IKBKB: variants seen among roughly 807,000 people sequenced by gnomAD.
IKBKB encodes the protein inhibitor of nuclear factor kappa B kinase subunit beta.
A neutral mutation model predicts 113.6 loss-of-function variants in IKBKB; 42 were observed. That is an observed-to-expected ratio of 0.37 (90% CI 0.29 to 0.48). The LOEUF is 0.48. Among genes scored for constraint, IKBKB ranks in the 20% least tolerant of loss-of-function variants. The pLI, the probability that IKBKB is intolerant of heterozygous loss-of-function variation, is 0.99. For synonymous variants in IKBKB, 296 were observed against 361.3 expected (o/e 0.82, Z 2.05); for missense variants, 673 against 939.7 (o/e 0.72, Z 3.71).
chr8:42,316,778 G>T lies in IKBKB; in HGVS notation c.999G>T (p.Leu333=), dbSNP rs561828824. ...ACCCTGTGACAGAGGATGAGAGTCT[G>T]CAGAGCTTGAAGGCCAGAATCCAAC... ...HTYPVTEDES[L]QSLKARIQQD... is the part of the protein sequence containing the mutation. Residue 333 remains leucine, a synonymous_variant, in exon 11 of 22, where the codon CTG becomes CTT. Coordinates refer to ENST00000520810, the MANE Select transcript of IKBKB (RefSeq NM_001556.3). This position sits in a 1 kb window ranked among gnomAD's most constrained non-coding sequence, Gnocchi z 4.5. The T allele has an allele frequency of 1.5e-5, 25 of 1,614,192 alleles. No individual in the cohort carries two copies. In the South Asian group the frequency reaches 2.7e-4, roughly 18 times the overall value.
chr8:42,278,628 C>T (rs916571551), intron 2 of IKBKB, among the ~76,000 whole-genome samples: 1 of 152,118 alleles, frequency 6.6e-6, no homozygotes, highest in African/African-American at 2.4e-5. Flanking sequence ...TGGCTCCGTC[C>T]CAGTGATGCA....
chr8:42,292,796 A>C (rs987990144), intron 4 of IKBKB, among the ~76,000 whole-genome samples: 8 of 152,162 alleles, frequency 5.3e-5, no homozygotes, highest in African/African-American at 1.9e-4. Flanking sequence ...CTGGCGCCGC[A>C]TTCCAGCACT....
At chr8:42,322,623 C>T in intron 19 of IKBKB, 129 bp downstream of exon 19, 6 of 893,164 alleles carry the variant, frequency 6.7e-6, no homozygotes, top group South Asian at 6.4e-5. Context: ...GCTGCTCGGG[C>T]TTCACGTCGC....
chr8:42,308,093 A>T (rs1342910388), intron 7 of IKBKB, among the ~76,000 whole-genome samples: 2 of 152,150 alleles, frequency 1.3e-5, no homozygotes, highest in African/African-American at 4.8e-5. Context: ...CCTTTCTGCA[A>T]CCACATGGTA....
chr8:42,298,582 A>G, intron 5 of IKBKB: 4 of 710,184 alleles, frequency 5.6e-6, no homozygotes, highest in South Asian at 6.4e-5. Context: ...TCATTTGCAC[A>G]TAAAGCTTTT....
chr8:42,320,825 G>A lies in IKBKB; in HGVS notation c.1669G>A (p.Gly557Arg), dbSNP rs149701177. 7.3e-5 allele frequency: 116 copies of A among 1,599,926 alleles called. No homozygotes were observed. Among genetic ancestry groups the A allele is most frequent in the Middle Eastern group, 5.0e-4 (3 of 5,984 alleles). The change falls in exon 16 of 22, where the codon GGG becomes AGG. Residue 557 changes from glycine (G) to arginine (R), a missense_variant. By Grantham distance (125) the Gly-to-Arg change is moderately radical (BLOSUM62 -2). Coordinates refer to ENST00000520810, the MANE Select transcript of IKBKB (RefSeq NM_001556.3). ...LQRSPMGRKQ[G>R]GTLDDLEEQA... ...GAGGAGCCCCATGGGCCGGAAGCAG[G>A]GGGGAACGCTGGACGACCTGTGAGT...
chr8:42,272,023 C>T, intron 1 of IKBKB, 60 bp from the exon 2 acceptor site: 1 of 1,544,510 alleles, frequency 6.5e-7, no homozygotes, highest in Non-Finnish European at 8.8e-7. Context: ...TTCTCCATCC[C>T]TTTGAGCTCC....
intron 8 of IKBKB, among the ~76,000 whole-genome samples, chr8:42,313,661 G>A (rs994843043): frequency 1.3e-5 from 2 of 152,186 alleles, no homozygotes; most frequent in Non-Finnish European, 2.9e-5. Flanking sequence ...ACAAGAGTGT[G>A]TAATAGATGA....
At chr8:42,322,263 A>G (rs1040283927) in intron 18 of IKBKB, 84 bp from the exon 19 acceptor site, 3 of 1,586,202 alleles carry the variant, frequency 1.9e-6, no homozygotes, top group Non-Finnish European at 2.6e-6. Context: ...GAGTTTCTGC[A>G]GCTGCTGACT....
chr8:42,316,462 C>A lies in IKBKB; in HGVS notation c.930+123C>A. On this transcript the variant is annotated intron_variant, in intron 10 of 21. Coordinates refer to ENST00000520810, the MANE Select transcript of IKBKB (RefSeq NM_001556.3). This position sits in a 1 kb window ranked among gnomAD's most constrained non-coding sequence, Gnocchi z 4.5. ...AGTGAGGAAATTTAGGCTCCTGCAT[C>A]AGTCTTTCTGCATAAGTAAAGAAAG... 1 of 1,186,294 alleles carries A rather than the reference C, an allele frequency of 8.4e-7. No individual in the cohort carries two copies. Among genetic ancestry groups the A allele is most frequent in the Non-Finnish European group, 1.2e-6 (1 of 842,550 alleles). 73.5% of individuals were successfully genotyped at this position (1,186,294 alleles called of 1,614,324 possible). A position where few individuals can be genotyped will look rare whatever the true frequency, so the allele number is the denominator to read the frequency against.
Position 42,309,017 on chromosome 8 carries a change from C to A in IKBKB, c.684C>A (p.Pro228=). ...GFRPFLPNWQ[P]VQWHSKVRQK... The stretch of plus-strand genomic sequence containing the variant: ...GGCCCTTCCTCCCCAACTGGCAGCC[C>A]GTGCAGTGGTGAGTGGGCCCGGGGC... Residue 228 remains proline (P), a synonymous_variant, in exon 8 of 22, where the codon CCC becomes CCA. Coordinates refer to ENST00000520810, the MANE Select transcript of IKBKB (RefSeq NM_001556.3). The A allele has an allele frequency of 1.9e-6, 3 of 1,613,722 alleles. No homozygotes were observed. The highest frequency in any genetic ancestry group is 2.5e-6 in the Non-Finnish European group (3 of 1,179,814).
rs201602866 is a variant in IKBKB at position 42,316,278 on chromosome 8, C to T, written c.869C>T (p.Thr290Met). The change falls in exon 10 of 22, where the codon ACG (threonine) becomes ATG (methionine). Residue 290 changes from threonine to methionine, a missense_variant. Thr to Met is a moderately conservative substitution (Grantham distance 81, BLOSUM62 -1). Around this residue, in one of 2 missense-constraint regions of IKBKB, gnomAD observed 506 missense variants for 638.7 expected, o/e 0.79. Transcript: ENST00000520810. The surrounding 1 kb of genome is among the most constrained non-coding windows in gnomAD (Gnocchi z 4.5). ...ATGTGGCACCCCCGACAGAGGGGCA[C>T]GGATCCCACGTATGGGCCCAATGGC... ...MLMWHPRQRG[T>M]DPTYGPNGCF... is the part of the protein sequence containing the mutation. The T allele has an allele frequency of 3.8e-5, 62 of 1,613,978 alleles. No homozygotes were observed. The highest frequency in any genetic ancestry group is 5.0e-5 in the Non-Finnish European group (59 of 1,180,004).
rs200665574 is a variant in IKBKB at position 42,331,080 on chromosome 8, G to A, written c.*101G>A. 2.9e-5 allele frequency: 46 copies of A among 1,562,202 alleles called. No individual in the cohort carries two copies. Among genetic ancestry groups the A allele is most frequent in the African/African-American group, 2.2e-4 (16 of 74,018 alleles). ...CATGGGGCTGCCTGGAGCAGGCCGCGTGACGTGGGGCTGCCTGGCCGCGGC... is the reference window on the plus strand; with the variant it reads ...CATGGGGCTGCCTGGAGCAGGCCGCATGACGTGGGGCTGCCTGGCCGCGGC... On this transcript the variant is annotated 3_prime_UTR_variant, in exon 22 of 22. Coordinates refer to ENST00000520810, the MANE Select transcript of IKBKB (RefSeq NM_001556.3).
Position 42,331,799 on chromosome 8 carries a change from C to T in IKBKB, c.*820C>T, listed in dbSNP as rs1821716875. On this transcript the variant is annotated 3_prime_UTR_variant, in exon 22 of 22. Transcript: ENST00000520810. The stretch of plus-strand genomic sequence containing the variant: ...GAAAGGGTATCTGCTGACCACCAGC[C>T]TGCCTACCCATGCCCATGTCTCCAT... 1 of 284,566 alleles carries T rather than the reference C, an allele frequency of 3.5e-6. No individual in the cohort carries two copies. The highest frequency in any genetic ancestry group is 2.2e-5 in the African/African-American group (1 of 45,596). The allele number at this position is 284,566 out of a possible 1,614,324, so 17.6% of individuals were successfully genotyped here.
At chr8:42,273,376 C>G (rs1045993211) in intron 2 of IKBKB, among the ~76,000 whole-genome samples, 1 of 151,614 alleles carries the variant, frequency 6.6e-6, no homozygotes, top group Non-Finnish European at 1.5e-5. Flanking sequence ...GATAGTGTCA[C>G]TGCATTCCAG....
At chr8:42,313,208 T>C (rs1335645211) in intron 8 of IKBKB, among the ~76,000 whole-genome samples, 3 of 152,220 alleles carry the variant, frequency 2.0e-5, no homozygotes, top group Admixed American at 1.3e-4. Context: ...CCTAGCACTC[T>C]GTGAGGCCAA....
chr8:42,327,736 G>A (rs1343308974), intron 20 of IKBKB, among the ~76,000 whole-genome samples: 1 of 150,002 alleles, frequency 6.7e-6, no homozygotes, highest in Non-Finnish European at 1.5e-5. Context: ...GGGTTCAAGC[G>A]ATTCTCCTGC....
intron 5 of IKBKB, among the ~76,000 whole-genome samples, chr8:42,303,146 ATGAG>A (rs1170355551): frequency 7.1e-4 from 69 of 96,806 alleles, no homozygotes; most frequent in African/African-American, 2.1e-3. Flanking sequence ...AGGAGAGAGA[ATGAG>A]AGAGAGAATG....
At chr8:42,275,476 G>T (rs1043275531) in intron 2 of IKBKB, among the ~76,000 whole-genome samples, 2 of 152,212 alleles carry the variant, frequency 1.3e-5, no homozygotes, top group African/African-American at 4.8e-5. Context: ...TCAGCCAACA[G>T]ACTTTACCCA....
Sources: allele counts gnomAD v4.1 joint callset (sites outside exome capture counted in the v4.1 genomes callset), GRCh38; gene constraint gnomAD v4.1.1; regional missense constraint gnomAD v4.1.1; non-coding constraint Gnocchi (gnomAD v3.1); transcripts MANE v1.5; gene names NCBI Gene and HGNC (gene_info 2026-07-23, HGNC 2026-07-21).